The following RELN variants were observed in gnomAD, a reference collection of about 807,000 sequenced individuals.
RELN encodes reelin.
RELN carries 108 observed loss-of-function variants against 427.6 expected under a neutral mutation model. The ratio of observed to expected loss-of-function variants is 0.25; its 90% CI spans 0.22 to 0.30. RELN has a LOEUF of 0.30. Ranked by LOEUF, RELN falls within the 10% of genes least tolerant of loss-of-function variation. The pLI, the probability that RELN is intolerant of heterozygous loss-of-function variation, is 1.00. For missense variants in RELN, 3,715 were observed against 4,302.8 expected, an observed-to-expected ratio of 0.86 and a Z score of 3.82; for synonymous variants, 1,524 against 1,513.4, an observed-to-expected ratio of 1.01 and a Z score of -0.16.
Position 103,968,176 on chromosome 7 carries a change from T to C in RELN, c.226+20955A>G, listed in dbSNP as rs1796695404. 6.6e-6 allele frequency among the ~76,000 whole-genome samples: 1 copy of C among 152,004 alleles called. No individual in the cohort carries two copies. The highest frequency in any genetic ancestry group is 1.5e-5 in the Non-Finnish European group (1 of 67,988). On this transcript the variant is annotated intron_variant, in intron 1 of 64. Coordinates refer to ENST00000428762, the MANE Select transcript of RELN (RefSeq NM_005045.4). The surrounding 1 kb of genome is among the most constrained non-coding windows in gnomAD (Gnocchi z 4.3). ...GGCCCTCAACAAATGTATATTGATT[T>C]TAAAGGAAAATAAATAATTTTCCCC... is the stretch of plus-strand genomic sequence containing the variant.
rs2072404 is a variant in RELN, at chr7:103,652,478, C to A, written c.1763+73G>T. 72,961 of 1,186,646 alleles carry A rather than the reference C, an allele frequency of 0.061. 3,159 individuals carry two copies. The highest frequency in any genetic ancestry group is 0.18 in the African/African-American group (12,255 of 66,244). 73.5% of individuals were successfully genotyped at this position (1,186,646 alleles called of 1,614,324 possible). A position where few individuals can be genotyped will look rare whatever the true frequency, so the allele number is the denominator to read the frequency against. On this transcript the variant is annotated intron_variant, in intron 14 of 64. Transcript: ENST00000428762. ...ATCCAGTTAAAACTCTACCTAGAAA[C>A]TACCTCTTATTTAATAGCCAAATCT...
chr7:103,622,717 C>T lies in RELN; in HGVS notation c.2702+7223G>A, dbSNP rs1832247756. Among the ~76,000 whole-genome samples the T allele has an allele frequency of 2.0e-5, 3 of 152,132 alleles. No individual in the cohort carries two copies. The South Asian group carries it at 6.2e-4, about 31-fold the overall frequency. On this transcript the variant is annotated intron_variant, in intron 20 of 64. Transcript: ENST00000428762. ...GCCTCCCAAGGGGGCTTCCCTAACC[C>T]TCTTACCTAAAATAGCTCCACTCTC...
chr7:103,492,696 CATA>C (rs561349066), intron 57 of RELN, among the ~76,000 whole-genome samples: 2 of 152,210 alleles, frequency 1.3e-5, no homozygotes, highest in South Asian at 4.1e-4. Flanking sequence ...GAATAAGAAG[CATA>C]ATGATAGTGG....
chr7:103,557,114 C>T lies in RELN; in HGVS notation c.5660G>A (p.Ser1887Asn). 1.9e-6 allele frequency: 3 copies of T among 1,613,762 alleles called. No individual in the cohort carries two copies. Among genetic ancestry groups the T allele is most frequent in the Non-Finnish European group, 2.5e-6 (3 of 1,179,648 alleles). The change falls in exon 38 of 65, where the codon AGT becomes AAT. Residue 1887 changes from serine to asparagine, a missense_variant. Transcript: ENST00000428762. Reference sequence around the variant, plus strand: ...CATCAGGTGCCAAGTGATTCCTCCACTGATGGAGAATTGTAACAGAATAGA... The same window carrying T: ...CATCAGGTGCCAAGTGATTCCTCCATTGATGGAGAATTGTAACAGAATAGA... ...SHSILLQFSI[S>N]GGITWHLMDE...
intron 22 of RELN, among the ~76,000 whole-genome samples, chr7:103,609,579 G>T (rs73714477): frequency 9.9e-5 from 15 of 152,194 alleles, no homozygotes; most frequent in African/African-American, 3.6e-4. Flanking sequence ...AAAAATCTGT[G>T]GAAATCAAAT....
At chr7:103,614,332 G>A (rs1177693514) in intron 20 of RELN, among the ~76,000 whole-genome samples, 1 of 152,200 alleles carries the variant, frequency 6.6e-6, no homozygotes, top group African/African-American at 2.4e-5. Flanking sequence ...TCACTATCCA[G>A]TGATTGGTCT....
chr7:103,545,015 T>C, intron 42 of RELN, 109 bp downstream of exon 42: 2 of 818,104 alleles, frequency 2.4e-6, no homozygotes, highest in Non-Finnish European at 4.1e-6. Flanking sequence ...ACAATTGAAA[T>C]AATAATGAGA....
intron 49 of RELN, among the ~76,000 whole-genome samples, chr7:103,518,328 T>G: frequency 1.2e-5 from 1 of 82,192 alleles, no homozygotes; most frequent in Admixed American, 1.1e-4. Context: ...CTACGTTTCC[T>G]TTTTTTTTTT....
At chr7:103,915,669 C>G (rs948726092) in intron 2 of RELN, among the ~76,000 whole-genome samples, 11 of 152,184 alleles carry the variant, frequency 7.2e-5, no homozygotes, top group African/African-American at 2.6e-4. Flanking sequence ...GGCCCTCACC[C>G]CCAGAGGTTT....
intron 2 of RELN, among the ~76,000 whole-genome samples, chr7:103,844,078 C>G (rs1793619900): frequency 6.6e-6 from 1 of 152,198 alleles, no homozygotes. Context: ...GTTTAATTCA[C>G]AACCCAACTT....
In RELN at chr7:103,574,268, G is replaced by A; in HGVS notation, c.4335C>T (p.Pro1445=). The change falls in exon 30 of 65, where the codon CCC becomes CCT. Residue 1445 remains proline, a synonymous_variant. Transcript: ENST00000428762. ...ACCTATCGAACATCTCATTGTGATT[G>A]GGGACATTTGACACACAGGTTCCTT... ...AAQGTCVSNV[P]NHNEMFDRFE... The A allele has an allele frequency of 6.2e-7, 1 of 1,614,100 alleles. No homozygotes were observed. The highest frequency in any genetic ancestry group is 2.2e-5 in the East Asian group (1 of 44,876).
At chr7:103,656,722 G>T (rs888856076) in intron 12 of RELN, among the ~76,000 whole-genome samples, 2 of 152,044 alleles carry the variant, frequency 1.3e-5, no homozygotes, top group Admixed American at 1.3e-4. Flanking sequence ...GGTTGGTACT[G>T]TATGGATCAG....
At chr7:103,664,957 T>C (rs955595676) in intron 11 of RELN, among the ~76,000 whole-genome samples, 1 of 152,180 alleles carries the variant, frequency 6.6e-6, no homozygotes, top group Non-Finnish European at 1.5e-5. Flanking sequence ...TTTAATATAG[T>C]AGAATTTATC....
rs531884935 is a variant in RELN, at chr7:103,870,589, T to C, written c.338-36917A>G. ...GGTCTTACTCTTGGTCATGTCCTTA[T>C]TGCCAAAGCATGACCCTTCTGGCCT... On this transcript the variant is annotated intron_variant, in intron 2 of 64. Transcript: ENST00000428762. 3.9e-5 allele frequency among the ~76,000 whole-genome samples: 6 copies of C among 152,188 alleles called. No individual in the cohort carries two copies. The East Asian group carries it at 1.2e-3, about 29-fold the overall frequency.
At chr7:103,695,148 C>A (rs945053398) in intron 10 of RELN, among the ~76,000 whole-genome samples, 1 of 152,082 alleles carries the variant, frequency 6.6e-6, no homozygotes, top group Admixed American at 6.6e-5. Context: ...ATTTGACAAA[C>A]AAGTTGCATA....
At chr7:103,489,465 C>A (rs1032703239) in intron 60 of RELN, among the ~76,000 whole-genome samples, 1 of 152,072 alleles carries the variant, frequency 6.6e-6, no homozygotes, top group Non-Finnish European at 1.5e-5. Flanking sequence ...TATACCATAT[C>A]CTGATTTAGC....
At chr7:103,515,673 T>C (rs1386832056) in intron 49 of RELN, among the ~76,000 whole-genome samples, 1 of 152,190 alleles carries the variant, frequency 6.6e-6, no homozygotes, top group Non-Finnish European at 1.5e-5. Context: ...ATCCCAGAAC[T>C]CCCAATTGGT....
chr7:103,838,202 T>C (rs39377), intron 2 of RELN, among the ~76,000 whole-genome samples: 47,167 of 109,068 alleles, frequency 0.43, 9,481 homozygotes, highest in Non-Finnish European at 0.46. Flanking sequence ...GAGCGAGACT[T>C]CGTCTCAAAA....
chr7:103,836,866 T>C (rs569709072), intron 2 of RELN, among the ~76,000 whole-genome samples: 2 of 152,330 alleles, frequency 1.3e-5, no homozygotes, highest in South Asian at 2.1e-4. Context: ...CTTTCTTTAC[T>C]TCTTAAGCTC....
Sources: gnomAD v4.1 joint callset for allele counts (sites outside exome capture counted in the v4.1 genomes callset) on GRCh38, gnomAD v4.1.1 for gene constraint, Gnocchi (gnomAD v3.1) non-coding constraint, MANE v1.5 for transcripts, NCBI Gene and HGNC (gene_info 2026-07-23, HGNC 2026-07-21) for gene names.